The following ABHD12B variants were observed in gnomAD, a reference collection of about 807,000 sequenced individuals.
The protein encoded by ABHD12B is abhydrolase domain containing 12B.
In ABHD12B, 42 loss-of-function variants were observed where a neutral mutation model predicts 50.4. The ratio of observed to expected loss-of-function variants is 0.83; its 90% confidence interval spans 0.65 to 1.08. The LOEUF is 1.08. ABHD12B is among the 50% of genes least tolerant of loss of function. The pLI, the probability that ABHD12B is intolerant of heterozygous loss-of-function variation, is 0.00. For synonymous variants in ABHD12B, 167 were observed against 160.3 expected (o/e 1.04, Z -0.32); for missense variants, 479 against 447.7 (o/e 1.07, Z -0.63).
intron 12 of ABHD12B, 27 bp from the exon 13 acceptor site, chr14:50,904,312 G>T (rs1211647901): frequency 6.2e-7 from 1 of 1,613,868 alleles, no homozygotes; most frequent in Non-Finnish European, 8.5e-7. Context: ...GAAAGGGTGT[G>T]AGCTGATCTG....
intron 4 of ABHD12B, among the ~76,000 whole-genome samples, 163 bp from the exon 5 acceptor site, chr14:50,881,433 T>C (rs2049944031): frequency 6.6e-6 from 1 of 151,984 alleles, no homozygotes; most frequent in South Asian, 2.1e-4. Context: ...CCCAGCATTT[T>C]TTTTTTTTTT....
chr14:50,877,024 C>T (rs2049873074), intron 1 of ABHD12B, among the ~76,000 whole-genome samples: 1 of 152,118 alleles, frequency 6.6e-6, no homozygotes, highest in South Asian at 2.1e-4. Flanking sequence ...TTAGTGACCC[C>T]TCATGGACAA....
chr14:50,903,277 A>T (rs2050284831), intron 10 of ABHD12B, 112 bp from the exon 11 acceptor site: 1 of 748,214 alleles, frequency 1.3e-6, no homozygotes, highest in East Asian at 2.9e-5. Context: ...GAAGGAAAGA[A>T]ATTTCTTGTA....
intron 9 of ABHD12B, among the ~76,000 whole-genome samples, chr14:50,894,091 G>C (rs1033218831): frequency 6.6e-5 from 10 of 151,084 alleles, no homozygotes; most frequent in Non-Finnish European, 4.4e-5. Flanking sequence ...TGGGGAAGGG[G>C]CAAGTACCCC....
intron 1 of ABHD12B, among the ~76,000 whole-genome samples, chr14:50,876,138 C>T (rs768251016): frequency 2.0e-5 from 3 of 152,160 alleles, no homozygotes; most frequent in South Asian, 2.1e-4. Flanking sequence ...TCCTTCCTGC[C>T]GCCTTCATGG....
rs1437416829 is a variant in ABHD12B, at chr14:50,892,330, G to C, written c.780+3427G>C. On this transcript the variant is annotated intron_variant, in intron 9 of 12. Coordinates refer to ENST00000337334, the MANE Select transcript of ABHD12B (RefSeq NM_001206673.2). ...TGTTCTTCAGGAAAAAATCCAAAAG[G>C]GAATGAGGGTAGTAGCACTGGAAAG... The C allele has an allele frequency of 3.7e-6, 3 of 818,952 alleles. No individual in the cohort carries two copies. The Admixed American group carries it at 1.9e-4, about 51-fold the overall frequency. The allele number at this position is 818,952 out of a possible 1,614,324, so 50.7% of individuals were successfully genotyped here.
At chr14:50,894,066 C>A (rs2050158187) in intron 9 of ABHD12B, among the ~76,000 whole-genome samples, 1 of 152,204 alleles carries the variant, frequency 6.6e-6, no homozygotes, top group Non-Finnish European at 1.5e-5. Flanking sequence ...CCCTTAGCGG[C>A]AAGTCCCGCT....
intron 7 of ABHD12B, among the ~76,000 whole-genome samples, 183 bp downstream of exon 7, chr14:50,886,078 G>A (rs561068501): frequency 6.6e-6 from 1 of 152,300 alleles, no homozygotes; most frequent in African/African-American, 2.4e-5. Context: ...TAAAACAACA[G>A]AAGGTCCCTT....
At position 50,904,626 on chromosome 14, in the gene ABHD12B, C is replaced by T. The variant is rs747686582; in HGVS notation, c.*260C>T. On this transcript the variant is annotated 3_prime_UTR_variant, in exon 13 of 13. Coordinates refer to ENST00000337334, the MANE Select transcript of ABHD12B (RefSeq NM_001206673.2). ...ACCAGAATTTGGTAAAATCTAGATC[C>T]TATCTAAAAATATGTAGTTATTAAA... is the stretch of plus-strand genomic sequence containing the variant. The T allele has an allele frequency of 3.8e-5, 21 of 554,664 alleles. No individual in the cohort carries two copies. In the South Asian group the frequency reaches 4.9e-4, roughly 13 times the overall value. 34.4% of individuals were successfully genotyped at this position (554,664 alleles called of 1,614,324 possible).
chr14:50,899,613 A>C (rs1024007910), intron 9 of ABHD12B, among the ~76,000 whole-genome samples: 1 of 152,144 alleles, frequency 6.6e-6, no homozygotes, highest in Admixed American at 6.5e-5. Context: ...ACAACACGAA[A>C]ATGTATAATA....
Position 50,904,900 on chromosome 14 carries a change from G to C in ABHD12B, c.*534G>C, listed in dbSNP as rs1455101184. ...GTAGCCCTCATCAGACACTGAATCA[G>C]CCAGTGCCTTGCTCTTGGACTTCCC... On this transcript the variant is annotated 3_prime_UTR_variant, in exon 13 of 13. Coordinates refer to ENST00000337334, the MANE Select transcript of ABHD12B (RefSeq NM_001206673.2). 8.4e-6 allele frequency: 2 copies of C among 237,808 alleles called. No homozygotes were observed. Among genetic ancestry groups the C allele is most frequent in the South Asian group, 1.2e-4 (2 of 16,844 alleles). 14.7% of individuals were successfully genotyped at this position (237,808 alleles called of 1,614,324 possible). A position where few individuals can be genotyped will look rare whatever the true frequency, so the allele number is the denominator to read the frequency against.
At chr14:50,889,573 G>C (rs1315343083) in intron 9 of ABHD12B, among the ~76,000 whole-genome samples, 2 of 152,196 alleles carry the variant, frequency 1.3e-5, no homozygotes, top group Admixed American at 6.5e-5. Context: ...GGGAGGCAGA[G>C]GTTGCAGTGA....
intron 9 of ABHD12B, among the ~76,000 whole-genome samples, chr14:50,897,674 G>A (rs1254279328): frequency 6.6e-6 from 1 of 152,218 alleles, no homozygotes; most frequent in African/African-American, 2.4e-5. Flanking sequence ...GAGCCACTCA[G>A]ACTTGGGTTC....
chr14:50,877,781 T>C (rs2049882266), intron 1 of ABHD12B, among the ~76,000 whole-genome samples, 171 bp from the exon 2 acceptor site: 1 of 151,462 alleles, frequency 6.6e-6, no homozygotes, highest in Non-Finnish European at 1.5e-5. Context: ...GCAGGAGAAT[T>C]GCTTGATCCC....
rs1464732272 is a variant in ABHD12B, at chr14:50,901,730, C to CCTTACTT, written c.781-99_781-98insCTTACTT. On this transcript the variant is annotated intron_variant, in intron 9 of 12. Transcript: ENST00000337334. ...GTGAAGTTTACCTTACTTAGAGAAGCACTACTCTCTGTGTTACCCTGGTTC... is the reference window on the plus strand; with the variant it reads ...GTGAAGTTTACCTTACTTAGAGAAGCCTTACTTACTACTCTCTGTGTTACCCTGGTTC... 100 of 641,088 alleles carry CCTTACTT rather than the reference C, an allele frequency of 1.6e-4. 1 individual carries two copies. Among genetic ancestry groups the CCTTACTT allele is most frequent in the Middle Eastern group, 9.3e-4 (2 of 2,146 alleles). 39.7% of individuals were successfully genotyped at this position (641,088 alleles called of 1,614,324 possible).
In ABHD12B at chr14:50,904,535, T is replaced by C. The variant is rs2142779489; in HGVS notation, c.*169T>C. On this transcript the variant is annotated 3_prime_UTR_variant, in exon 13 of 13. Coordinates refer to ENST00000337334, the MANE Select transcript of ABHD12B (RefSeq NM_001206673.2). The stretch of plus-strand genomic sequence containing the variant: ...CAGAAAGTACGAATGTTAGGCAGTA[T>C]GGAATGTTCTTATTTAGCTTATCAT... 1 of 789,274 alleles carries C rather than the reference T, an allele frequency of 1.3e-6. No individual in the cohort carries two copies. The highest frequency in any genetic ancestry group is 1.6e-5 in the South Asian group (1 of 62,296). The allele number at this position is 789,274 out of a possible 1,614,324, so 48.9% of individuals were successfully genotyped here.
At chr14:50,891,679 C>A (rs964714244) in intron 9 of ABHD12B, 1 of 152,172 alleles carries the variant, frequency 6.6e-6, no homozygotes, top group African/African-American at 2.4e-5. Flanking sequence ...CTTCTGGAAA[C>A]TCTATTTTAC....
Position 50,903,376 on chromosome 14 carries a change from T to C in ABHD12B, c.864-13T>C. 2 of 1,597,308 alleles carry C rather than the reference T, an allele frequency of 1.3e-6. No individual in the cohort carries two copies. Among genetic ancestry groups the C allele is most frequent in the Non-Finnish European group, 1.7e-6 (2 of 1,166,130 alleles). ...ATTCTTTAACTGAATGCTTTTCTTC[T>C]ACTTGTCCCTAGTGTTAAATTCCTT... On this transcript the variant is annotated splice_polypyrimidine_tract_variant and intron_variant, in intron 10 of 12. Coordinates refer to ENST00000337334, the MANE Select transcript of ABHD12B (RefSeq NM_001206673.2).
chr14:50,876,508 G>A (rs142547262), intron 1 of ABHD12B, among the ~76,000 whole-genome samples: 1 of 152,320 alleles, frequency 6.6e-6, no homozygotes, highest in African/African-American at 2.4e-5. Context: ...CTGCTGAGAG[G>A]GCTAAGGTGC....
Sources: allele counts gnomAD v4.1 joint callset (sites outside exome capture counted in the v4.1 genomes callset), GRCh38; gene constraint gnomAD v4.1.1; transcripts MANE v1.5; gene names NCBI Gene and HGNC (gene_info 2026-07-23, HGNC 2026-07-21).